The following UNC13C variants were observed in gnomAD, a reference collection of about 807,000 sequenced individuals.
UNC13C encodes unc-13 homolog C.
Under a neutral mutation model 245.4 loss-of-function variants are expected in UNC13C, and 174 were observed. That is an observed-to-expected ratio of 0.71 (90% CI 0.63 to 0.80). The LOEUF (loss-of-function observed/expected upper bound fraction) is 0.80, where lower values mean the gene tolerates loss of function less well. Ranked by LOEUF, UNC13C falls within the 30% of genes least tolerant of loss-of-function variation. The pLI is 0.00. For synonymous variants in UNC13C, 992 were observed against 895.1 expected (o/e 1.11, Z -1.93); for missense variants, 2,829 against 2,602.9 (o/e 1.09, Z -1.89).
intron 4 of UNC13C, among the ~76,000 whole-genome samples, chr15:54,181,917 G>C (rs1216587810): frequency 2.0e-5 from 3 of 151,906 alleles, no homozygotes; most frequent in Admixed American, 2.0e-4. Context: ...TCACTTGTTA[G>C]TTCCAAAAGC....
Position 54,079,514 on chromosome 15 carries a change from C to T in UNC13C, c.2984-63504C>T, listed in dbSNP as rs537608237. On this transcript the variant is annotated intron_variant, in intron 2 of 32. Coordinates refer to ENST00000260323, the MANE Select transcript of UNC13C (RefSeq NM_001080534.3). Reference sequence around the variant, plus strand: ...CATCATTGTTTTATGGTTCTGGTAACGGTCTTTTACCTCTTGGTTAGATGT... The same window carrying T: ...CATCATTGTTTTATGGTTCTGGTAATGGTCTTTTACCTCTTGGTTAGATGT... Among the ~76,000 whole-genome samples the T allele has an allele frequency of 4.9e-4, 75 of 151,750 alleles. 1 individual carries two copies. The highest frequency in any genetic ancestry group is 4.1e-3 in the South Asian group (20 of 4,820).
At chr15:54,629,886 CTATT>C (rs1901415108), downstream of UNC13C, 1 of 152,094 alleles carries the variant, frequency 6.6e-6, no homozygotes, top group East Asian at 1.9e-4. Context: ...TGAATTAAGT[CTATT>C]TATGACTATC....
chr15:53,963,429 A>C, the UNC13C span, among the ~76,000 whole-genome samples: 1 of 152,082 alleles, frequency 6.6e-6, no homozygotes, highest in East Asian at 1.9e-4. Context: ...CCTGAAGCAA[A>C]TTTCTTGACT....
At chr15:54,485,311 A>G (rs534328452) in intron 19 of UNC13C, among the ~76,000 whole-genome samples, 1 of 152,356 alleles carries the variant, frequency 6.6e-6, no homozygotes, top group Non-Finnish European at 1.5e-5. Flanking sequence ...TAAGCAAACA[A>G]GATTGAGCAA....
At chr15:54,590,411 T>G (rs1030909810) in intron 30 of UNC13C, among the ~76,000 whole-genome samples, 2 of 152,212 alleles carry the variant, frequency 1.3e-5, no homozygotes, top group African/African-American at 4.8e-5. Context: ...GATTCTAACA[T>G]CCAGGAGCAT....
intron 28 of UNC13C, among the ~76,000 whole-genome samples, chr15:54,552,465 TTAC>T (rs1896799891): frequency 5.1e-4 from 28 of 54,634 alleles, no homozygotes; most frequent in African/African-American, 2.8e-3. Context: ...TAATTATATA[TTAC>T]AATATATAAT....
the UNC13C span, among the ~76,000 whole-genome samples, chr15:53,965,376 A>G: frequency 1.3e-5 from 2 of 152,132 alleles, no homozygotes; most frequent in African/African-American, 4.8e-5. Context: ...CCTTCAGTAC[A>G]ATTACTTCAT....
At chr15:54,183,159 T>C (rs762738471) in intron 4 of UNC13C, among the ~76,000 whole-genome samples, 1 of 151,556 alleles carries the variant, frequency 6.6e-6, no homozygotes, top group Non-Finnish European at 1.5e-5. Flanking sequence ...GATGGGAAAA[T>C]GAATATCAAG....
At chr15:54,298,399 C>T (rs1050948331) in intron 12 of UNC13C, among the ~76,000 whole-genome samples, 3 of 152,120 alleles carry the variant, frequency 2.0e-5, no homozygotes, top group African/African-American at 4.8e-5. Flanking sequence ...TAACTAGAAA[C>T]ATAAAAATGT....
At chr15:54,062,928 A>T (rs948535836) in intron 2 of UNC13C, among the ~76,000 whole-genome samples, 1 of 152,164 alleles carries the variant, frequency 6.6e-6, no homozygotes, top group Admixed American at 6.5e-5. Flanking sequence ...TCATTGAGAG[A>T]CACAGTTGTA....
the UNC13C span, among the ~76,000 whole-genome samples, chr15:53,901,009 T>C: frequency 0.14 from 21,005 of 152,014 alleles, 1,744 homozygotes; most frequent in South Asian, 0.19. Context: ...AAAAGTAACA[T>C]ACATCTCTAA....
rs191124072 is a variant in UNC13C at position 54,540,459 on chromosome 15, T to C, written c.5697-6263T>C. ...TCTAGATAGCTCAGGTTCTAAAATA[T>C]ATGCTTTTCAGCTTACATTATCAAG... On this transcript the variant is annotated intron_variant, in intron 26 of 32. Transcript: ENST00000260323. Among the ~76,000 whole-genome samples the C allele has an allele frequency of 5.8e-3, 883 of 152,230 alleles. 12 individuals are homozygous for C. Among genetic ancestry groups the C allele is most frequent in the African/African-American group, 0.021 (852 of 41,556 alleles).
intron 1 of UNC13C, among the ~76,000 whole-genome samples, chr15:53,984,164 T>C (rs1050510237): frequency 1.3e-5 from 2 of 152,162 alleles, no homozygotes; most frequent in East Asian, 1.9e-4. Context: ...GACACTATAT[T>C]GCTTATAAAC....
At chr15:54,553,815 C>T (rs560147278) in intron 28 of UNC13C, among the ~76,000 whole-genome samples, 1 of 150,650 alleles carries the variant, frequency 6.6e-6, no homozygotes, top group African/African-American at 2.4e-5. Context: ...AATAATGTGA[C>T]CACATTGTTA....
chr15:54,531,449 A>G (rs1438677566), intron 25 of UNC13C, among the ~76,000 whole-genome samples: 1 of 152,148 alleles, frequency 6.6e-6, no homozygotes, highest in South Asian at 2.1e-4. Flanking sequence ...TTTGTACTAA[A>G]ACTATTCACT....
At chr15:53,879,838 G>C in the UNC13C span, among the ~76,000 whole-genome samples, 1 of 152,004 alleles carries the variant, frequency 6.6e-6, no homozygotes, top group Admixed American at 6.6e-5. Flanking sequence ...ACCTGCCTTG[G>C]CCTGATTCTC....
At chr15:54,140,476 C>G (rs1380514081) in intron 2 of UNC13C, among the ~76,000 whole-genome samples, 1 of 152,122 alleles carries the variant, frequency 6.6e-6, no homozygotes, top group Non-Finnish European at 1.5e-5. Context: ...GATAAGGAAA[C>G]TGGCAAAGGA....
At chr15:54,552,772 C>A (rs1203461667) in intron 28 of UNC13C, among the ~76,000 whole-genome samples, 2 of 68,160 alleles carry the variant, frequency 2.9e-5, no homozygotes, top group Admixed American at 2.8e-4. Context: ...ATATATAGTA[C>A]AATATATAAT....
At chr15:54,166,066 A>T (rs535905947) in intron 4 of UNC13C, among the ~76,000 whole-genome samples, 2 of 152,194 alleles carry the variant, frequency 1.3e-5, no homozygotes, top group East Asian at 3.9e-4. Context: ...TTTATGTATT[A>T]AGGGTATTTT....
Sources: gnomAD v4.1 joint callset for allele counts (sites outside exome capture counted in the v4.1 genomes callset) on GRCh38, gnomAD v4.1.1 for gene constraint, MANE v1.5 for transcripts, NCBI Gene and HGNC (gene_info 2026-07-23, HGNC 2026-07-21) for gene names.